Variants in MSR1 observed in about 807,000 individuals in gnomAD.
MSR1 encodes the protein macrophage scavenger receptor types I and II.
Under a neutral mutation model 47.2 loss-of-function variants are expected in MSR1, and 53 were observed. That is an observed-to-expected ratio of 1.12 (90% CI 0.90 to 1.41). The LOEUF (loss-of-function observed/expected upper bound fraction) is 1.41, where lower values mean the gene tolerates loss of function less well. Ranked by LOEUF, MSR1 falls within the 40% of genes most tolerant of loss-of-function variation. The probability of loss-of-function intolerance (pLI) is 0.00; values close to 1 mark genes in which losing one functional copy is unlikely to be tolerated. For missense variants in MSR1, 786 were observed against 546.9 expected, an observed-to-expected ratio of 1.44 and a Z score of -4.36; for synonymous variants, 239 against 185.6, an observed-to-expected ratio of 1.29 and a Z score of -2.34.
chr8:16,163,224 CATAAA>C (rs982558324), intron 5 of MSR1, among the ~76,000 whole-genome samples: 8 of 151,640 alleles, frequency 5.3e-5, no homozygotes, highest in African/African-American at 1.9e-4. Context: ...GCAAAAGAAA[CATAAA>C]ATAAACTGGA....
chr8:16,157,559 T>C (rs950835256), intron 5 of MSR1, among the ~76,000 whole-genome samples: 12 of 152,022 alleles, frequency 7.9e-5, no homozygotes, highest in African/African-American at 2.2e-4. Context: ...TGTTTCATTT[T>C]TGTACATTGT....
chr8:16,126,973 G>A (rs551685337), intron 8 of MSR1, among the ~76,000 whole-genome samples: 4 of 152,144 alleles, frequency 2.6e-5, no homozygotes, highest in Non-Finnish European at 5.9e-5. Flanking sequence ...GCTTTTCAGA[G>A]TGTCTGGTAC....
At chr8:16,140,953 C>A in intron 8 of MSR1, 1 of 1,613,800 alleles carries the variant, frequency 6.2e-7, no homozygotes, top group Non-Finnish European at 8.5e-7. Context: ...AGGTGAAGGG[C>A]CTTTTAATGA....
At chr8:16,185,110 T>C (rs1235786958) in intron 1 of MSR1, among the ~76,000 whole-genome samples, 4 of 151,760 alleles carry the variant, frequency 2.6e-5, no homozygotes, top group African/African-American at 7.3e-5. Flanking sequence ...TCAAAAGGGA[T>C]TGGTTTATCA....
chr8:16,150,041 A>G (rs1800804642), intron 7 of MSR1, among the ~76,000 whole-genome samples, 190 bp downstream of exon 7: 1 of 151,100 alleles, frequency 6.6e-6, no homozygotes, highest in Non-Finnish European at 1.5e-5. Flanking sequence ...ACTGCATGTG[A>G]ATACTAGTAT....
At chr8:16,166,522 T>C (rs1801315879) in intron 4 of MSR1, among the ~76,000 whole-genome samples, 1 of 152,016 alleles carries the variant, frequency 6.6e-6, no homozygotes, top group Admixed American at 6.5e-5. Context: ...ATTTGTCAAA[T>C]TTCAGTGGAA....
At chr8:16,112,560 C>T (rs116882561) in intron 9 of MSR1, among the ~76,000 whole-genome samples, 3,061 of 152,064 alleles carry the variant, frequency 0.02, 66 homozygotes, top group South Asian at 0.076. Flanking sequence ...ACACATTTTC[C>T]GTCTCATTCC....
Position 16,168,890 on chromosome 8 carries a change from T to A in MSR1, c.218-20A>T. 6.2e-7 allele frequency: 1 copy of A among 1,608,624 alleles called. No individual in the cohort carries two copies. The highest frequency in any genetic ancestry group is 8.5e-7 in the Non-Finnish European group (1 of 1,179,520). On this transcript the variant is annotated intron_variant, in intron 3 of 9. Transcript: ENST00000262101. ...GTTGAGCTGTATATTTAAGTAAAAA[T>A]AAACCAGTCATGGCCTGATCCTTGA...
At chr8:16,140,341 G>T (rs1554466241) in intron 8 of MSR1, 1 of 984,538 alleles carries the variant, frequency 1.0e-6, no homozygotes, top group Non-Finnish European at 1.2e-6. Context: ...AAAATGCTTT[G>T]GAAAGAGACC....
intron 1 of MSR1, among the ~76,000 whole-genome samples, chr8:16,188,788 T>C (rs1373367140): frequency 6.6e-6 from 1 of 151,910 alleles, no homozygotes; most frequent in Non-Finnish European, 1.5e-5. Context: ...TCTGTTAGTT[T>C]GCTGAGAATG....
At chr8:16,175,118 C>G (rs1191577122) in intron 3 of MSR1, 69 bp downstream of exon 3, 7 of 1,268,376 alleles carry the variant, frequency 5.5e-6, no homozygotes, top group Non-Finnish European at 8.1e-6. Flanking sequence ...CTGAATGCTT[C>G]TTTTTTGCTT....
chr8:16,119,494 T>C (rs1563138812), intron 9 of MSR1, among the ~76,000 whole-genome samples: 1 of 152,130 alleles, frequency 6.6e-6, no homozygotes, highest in Non-Finnish European at 1.5e-5. Context: ...CCCAAAGTGC[T>C]GGGATTACAG....
At chr8:16,169,087 A>G (rs1297466424) in intron 3 of MSR1, among the ~76,000 whole-genome samples, 2 of 152,174 alleles carry the variant, frequency 1.3e-5, no homozygotes, top group Non-Finnish European at 2.9e-5. Flanking sequence ...TTTTACGTTA[A>G]GATGATTCCA....
At position 16,150,481 on chromosome 8, in the gene MSR1, C is replaced by T. The variant is rs550343905; in HGVS notation, c.899-170G>A. 4.6e-5 allele frequency among the ~76,000 whole-genome samples: 7 copies of T among 151,698 alleles called. 1 individual carries two copies. In the South Asian group the frequency reaches 8.3e-4, roughly 18 times the overall value. On this transcript the variant is annotated intron_variant, in intron 6 of 9. Transcript: ENST00000262101. Reference sequence around the variant, plus strand: ...GTTTGACATTGAAAAACAATAGAAGCGATAAATATAAACCTTAGTACATTC... The same window carrying T: ...GTTTGACATTGAAAAACAATAGAAGTGATAAATATAAACCTTAGTACATTC...
intron 6 of MSR1, among the ~76,000 whole-genome samples, chr8:16,152,775 A>G (rs558709487): frequency 7.9e-5 from 12 of 152,170 alleles, no homozygotes; most frequent in African/African-American, 2.9e-4. Flanking sequence ...ATCCTTGATC[A>G]TGACATTTGC....
chr8:16,166,188 T>G (rs1801303266), intron 4 of MSR1, among the ~76,000 whole-genome samples: 2 of 52,452 alleles, frequency 3.8e-5, no homozygotes, highest in Non-Finnish European at 8.1e-5. Context: ...TTTTTTTTTT[T>G]GAGACGGAGT....
chr8:16,139,901 T>G (rs528628663), intron 8 of MSR1: 49 of 402,894 alleles, frequency 1.2e-4, no homozygotes, highest in Non-Finnish European at 1.6e-4. Context: ...GGAATTAAAA[T>G]TTTTTTATCT....
In MSR1 at chr8:16,164,470, C is replaced by A. The variant is rs144839922; in HGVS notation, c.631-219G>T. Among the ~76,000 whole-genome samples the A allele has an allele frequency of 7.7e-3, 1,177 of 151,882 alleles. 14 individuals carry two copies. Among genetic ancestry groups the A allele is most frequent in the African/African-American group, 0.027 (1,131 of 41,490 alleles). On this transcript the variant is annotated intron_variant, in intron 4 of 9. Coordinates refer to ENST00000262101, the MANE Select transcript of MSR1 (RefSeq NM_138715.3). ...ATGGCTGAATGTTTACAATCACAACCCCCTTCAAAAATCAATTTAATGTAT... is the reference window on the plus strand; with the variant it reads ...ATGGCTGAATGTTTACAATCACAACACCCTTCAAAAATCAATTTAATGTAT...
chr8:16,183,762 A>G (rs1801910692), intron 1 of MSR1, among the ~76,000 whole-genome samples: 1 of 143,146 alleles, frequency 7.0e-6, no homozygotes, highest in South Asian at 2.1e-4. Flanking sequence ...ATGTATAATT[A>G]TATGTAATTT....
Sources: allele counts gnomAD v4.1 joint callset (sites outside exome capture counted in the v4.1 genomes callset), GRCh38; gene constraint gnomAD v4.1.1; transcripts MANE v1.5; gene names NCBI Gene and HGNC (gene_info 2026-07-23, HGNC 2026-07-21).